The following TASP1 variants were observed in gnomAD, a reference collection of about 807,000 sequenced individuals.
The protein encoded by TASP1 is taspase 1, also known as threonine aspartase 1.
A neutral mutation model predicts 56.6 loss-of-function variants in TASP1; 16 were observed. That is an observed-to-expected ratio of 0.28 (90% CI 0.19 to 0.43). The LOEUF (loss-of-function observed/expected upper bound fraction) is 0.43, where lower values mean the gene tolerates loss of function less well. TASP1 is among the 20% of genes least tolerant of loss of function. The pLI is 1.00. For missense variants in TASP1, 393 were observed against 511.6 expected, an observed-to-expected ratio of 0.77 and a Z score of 2.24; for synonymous variants, 179 against 184.2, an observed-to-expected ratio of 0.97 and a Z score of 0.23.
the TASP1 span, among the ~76,000 whole-genome samples, chr20:13,172,839 A>T: frequency 1.1e-4 from 16 of 152,214 alleles, no homozygotes; most frequent in African/African-American, 3.9e-4. Context: ...TATCCAGGAA[A>T]GAGTGAAATT....
At chr20:13,603,255 G>A (rs1601409572) in intron 4 of TASP1, among the ~76,000 whole-genome samples, 1 of 150,482 alleles carries the variant, frequency 6.6e-6, no homozygotes, top group East Asian at 2.0e-4. Context: ...AAAGAAAAAT[G>A]GGCCAGGCAG....
At chr20:13,354,020 G>A in the TASP1 span, among the ~76,000 whole-genome samples, 4 of 152,128 alleles carry the variant, frequency 2.6e-5, no homozygotes, top group South Asian at 2.1e-4. Flanking sequence ...ATGCATCTAT[G>A]AGACAAGAAC....
the TASP1 span, among the ~76,000 whole-genome samples, chr20:13,361,343 A>G: frequency 1.3e-5 from 2 of 152,206 alleles, no homozygotes; most frequent in Admixed American, 1.3e-4. Context: ...ACCTCAATAC[A>G]GTCTGATAAC....
the TASP1 span, among the ~76,000 whole-genome samples, chr20:13,305,969 C>T: frequency 6.6e-6 from 1 of 152,156 alleles, no homozygotes; most frequent in African/African-American, 2.4e-5. Context: ...TGGATTGAGA[C>T]ACAGCTGCAA....
chr20:13,216,612 C>G, the TASP1 span, among the ~76,000 whole-genome samples: 1 of 152,182 alleles, frequency 6.6e-6, no homozygotes, highest in Non-Finnish European at 1.5e-5. Context: ...TGCCATCCCT[C>G]CAGCCTCAGA....
At chr20:13,166,655 A>T in the TASP1 span, 1 of 152,240 alleles carries the variant, frequency 6.6e-6, no homozygotes, top group Non-Finnish European at 1.5e-5. Context: ...ATTGTCCAAA[A>T]TGCATAAATG....
rs1419466668 is a variant in TASP1 at position 13,389,455 on chromosome 20, C to T, written c.*905G>A. The T allele has an allele frequency of 1.3e-5, 2 of 152,196 alleles. No individual in the cohort carries two copies. Among genetic ancestry groups the T allele is most frequent in the African/African-American group, 4.8e-5 (2 of 41,426 alleles). The allele number at this position is 152,196 out of a possible 1,614,324, so 9.4% of individuals were successfully genotyped here. ...GAGTCACATACTATACCCAGTAATA[C>T]GCTTCTTTTATTTTTGTGCCTTTAT... On this transcript the variant is annotated 3_prime_UTR_variant, in exon 14 of 14. Transcript: ENST00000337743.
At chr20:13,281,407 G>A in the TASP1 span, among the ~76,000 whole-genome samples, 4 of 152,180 alleles carry the variant, frequency 2.6e-5, no homozygotes, top group African/African-American at 7.2e-5. Context: ...GAGGAAAGAC[G>A]GGATAATAGC....
the TASP1 span, among the ~76,000 whole-genome samples, chr20:13,280,822 C>A: frequency 6.6e-6 from 1 of 152,140 alleles, no homozygotes; most frequent in Admixed American, 6.5e-5. Flanking sequence ...AAGAGGAACC[C>A]AATTTGGCAA....
intron 11 of TASP1, among the ~76,000 whole-genome samples, chr20:13,441,985 C>T (rs985322933): frequency 6.6e-6 from 1 of 152,124 alleles, no homozygotes; most frequent in Non-Finnish European, 1.5e-5. Flanking sequence ...TAGAATGATG[C>T]CCAAATTCCT....
intron 8 of TASP1, among the ~76,000 whole-genome samples, chr20:13,534,620 A>C (rs1235347875): frequency 1.3e-5 from 2 of 152,212 alleles, no homozygotes; most frequent in East Asian, 3.8e-4. Flanking sequence ...TGGCATTTAC[A>C]ATCTTAAAGT....
chr20:13,477,228 C>A (rs1005959188), intron 11 of TASP1, among the ~76,000 whole-genome samples: 1 of 152,016 alleles, frequency 6.6e-6, no homozygotes, highest in African/African-American at 2.4e-5. Context: ...TGACAGTGAT[C>A]CTCTAATGTC....
intron 13 of TASP1, 86 bp from the exon 14 acceptor site, chr20:13,390,538 G>GA: frequency 8.5e-7 from 1 of 1,169,718 alleles, no homozygotes; most frequent in Non-Finnish European, 1.2e-6. Context: ...AAAGGTGGAG[G>GA]AAACACCAGA....
intron 4 of TASP1, 68 bp from the exon 5 acceptor site, chr20:13,587,438 G>T: frequency 7.4e-7 from 1 of 1,359,790 alleles, no homozygotes; most frequent in Non-Finnish European, 1.0e-6. Context: ...AGTCCTTCAT[G>T]AAATTTTCTA....
the TASP1 span, among the ~76,000 whole-genome samples, chr20:13,310,486 G>A: frequency 6.6e-6 from 1 of 151,770 alleles, no homozygotes; most frequent in Non-Finnish European, 1.5e-5. Flanking sequence ...AAGGAAACAG[G>A]AAAAAAAATG....
chr20:13,523,523 C>G (rs1186613049), intron 10 of TASP1, among the ~76,000 whole-genome samples: 1 of 152,154 alleles, frequency 6.6e-6, no homozygotes, highest in African/African-American at 2.4e-5. Context: ...CAGAGGAAGA[C>G]CTCTGGTTGT....
chr20:13,116,945 C>G, the TASP1 span, among the ~76,000 whole-genome samples: 1 of 152,184 alleles, frequency 6.6e-6, no homozygotes, highest in Non-Finnish European at 1.5e-5. Flanking sequence ...GAGGAGACAC[C>G]TCGGTCTTTG....
rs958357626 is a variant in TASP1, at chr20:13,439,658, A to T, written c.986-4504T>A. ...GTACCCTAAAACTTAAAGTATAATTAAAAAAGAAAAAAGAAACAAAAGAGT... is the reference window on the plus strand; with the variant it reads ...GTACCCTAAAACTTAAAGTATAATTTAAAAAGAAAAAAGAAACAAAAGAGT... On this transcript the variant is annotated intron_variant, in intron 11 of 13. Transcript: ENST00000337743. Among the ~76,000 whole-genome samples the T allele has an allele frequency of 1.2e-4, 18 of 152,272 alleles. No individual in the cohort carries two copies. In the South Asian group the frequency reaches 1.9e-3, roughly 16 times the overall value.
intron 13 of TASP1, among the ~76,000 whole-genome samples, chr20:13,409,053 T>C (rs2123701896): frequency 6.6e-6 from 1 of 152,234 alleles, no homozygotes; most frequent in South Asian, 2.1e-4. Context: ...CTCATTTATT[T>C]TAAACTTTCT....
Sources: gnomAD v4.1 joint callset for allele counts (sites outside exome capture counted in the v4.1 genomes callset) on GRCh38, gnomAD v4.1.1 for gene constraint, MANE v1.5 for transcripts, NCBI Gene and HGNC (gene_info 2026-07-23, HGNC 2026-07-21) for gene names.